Variants in VPS13C observed in about 807,000 individuals in gnomAD.
VPS13C encodes the protein vacuolar protein sorting 13 homolog C.
In VPS13C, 358 loss-of-function variants were observed where a neutral mutation model predicts 456.8. The observed-to-expected ratio is 0.78, with a 90% CI of 0.72 to 0.86. The LOEUF is 0.86. Among genes scored for constraint, VPS13C ranks in the 40% least tolerant of loss-of-function variants. VPS13C has a pLI of 0.00. For synonymous variants in VPS13C, 1,578 were observed against 1,486.7 expected, an observed-to-expected ratio of 1.06 and a Z score of -1.41; for missense variants, 4,818 against 4,385.4, an observed-to-expected ratio of 1.10 and a Z score of -2.79.
chr15:61,973,043 T>A (rs2045601388), intron 26 of VPS13C, among the ~76,000 whole-genome samples: 1 of 152,174 alleles, frequency 6.6e-6, no homozygotes, highest in African/African-American at 2.4e-5. Flanking sequence ...TATTGGGCAT[T>A]ATCTACCACG....
chr15:61,995,984 C>T (rs112300589), intron 16 of VPS13C, among the ~76,000 whole-genome samples: 4,609 of 152,244 alleles, frequency 0.03, 136 homozygotes, highest in South Asian at 0.072. Context: ...GTTGCACAGG[C>T]AGCTAAAACC....
intron 1 of VPS13C, among the ~76,000 whole-genome samples, chr15:62,046,970 T>C (rs1332970198): frequency 2.0e-5 from 3 of 152,154 alleles, no homozygotes; most frequent in Non-Finnish European, 2.9e-5. Context: ...CTAGTTTTTA[T>C]AATAATTAGA....
intron 6 of VPS13C, among the ~76,000 whole-genome samples, 163 bp from the exon 7 acceptor site, chr15:62,024,008 C>A (rs2047550900): frequency 6.6e-6 from 1 of 152,016 alleles, no homozygotes; most frequent in Non-Finnish European, 1.5e-5. Flanking sequence ...GACAAATTTA[C>A]AAACCTTCTT....
chr15:62,012,240 A>ACACACT (rs1380760052), intron 11 of VPS13C, 76 bp from the exon 12 acceptor site: 5 of 697,516 alleles, frequency 7.2e-6, no homozygotes, highest in Non-Finnish European at 1.2e-5. Context: ...ACACACACAC[A>ACACACT]CACACACACA....
intron 81 of VPS13C, 93 bp from the exon 82 acceptor site, chr15:61,863,621 G>A: frequency 5.5e-6 from 4 of 729,880 alleles, no homozygotes; most frequent in East Asian, 3.0e-5. Context: ...AATAGTGTTA[G>A]GAAAAAATTA....
At chr15:62,009,401 T>G (rs1040782557) in intron 13 of VPS13C, among the ~76,000 whole-genome samples, 2 of 152,000 alleles carry the variant, frequency 1.3e-5, no homozygotes, top group African/African-American at 4.8e-5. Context: ...TCCTCCTCTC[T>G]AATTTTTCAC....
chr15:62,008,355 A>G (rs1248688507), intron 14 of VPS13C, among the ~76,000 whole-genome samples: 1 of 152,072 alleles, frequency 6.6e-6, no homozygotes, highest in Non-Finnish European at 1.5e-5. Flanking sequence ...AGCCAAGATC[A>G]CATCACTGCA....
intron 1 of VPS13C, among the ~76,000 whole-genome samples, chr15:62,047,123 A>G (rs1305570836): frequency 6.6e-6 from 1 of 151,892 alleles, no homozygotes; most frequent in Non-Finnish European, 1.5e-5. Context: ...CCAGACACGT[A>G]AGAATAACAA....
chr15:61,857,114 G>A (rs1387599116), intron 82 of VPS13C, among the ~76,000 whole-genome samples: 1 of 152,046 alleles, frequency 6.6e-6, no homozygotes, highest in Non-Finnish European at 1.5e-5. Flanking sequence ...TTCTATTACA[G>A]AAAGCAAAAT....
chr15:62,043,471 T>C (rs2048305457), intron 2 of VPS13C, among the ~76,000 whole-genome samples: 1 of 152,158 alleles, frequency 6.6e-6, no homozygotes, highest in Non-Finnish European at 1.5e-5. Flanking sequence ...CCAGGCGTGG[T>C]GGCACACACC....
intron 39 of VPS13C, 130 bp from the exon 40 acceptor site, chr15:61,951,154 T>C (rs2140290218): frequency 1.8e-6 from 1 of 562,566 alleles, no homozygotes; most frequent in South Asian, 3.3e-5. Flanking sequence ...GAGTGAAGTA[T>C]GTTCTGTATA....
At chr15:61,976,971 C>A (rs2140367771) in intron 24 of VPS13C, 111 bp downstream of exon 24, 2 of 694,490 alleles carry the variant, frequency 2.9e-6, no homozygotes, top group Admixed American at 5.6e-5. Flanking sequence ...TTGGAATAAT[C>A]ATTTTTGCTG....
At chr15:61,875,431 G>T (rs1373536285) in intron 76 of VPS13C, among the ~76,000 whole-genome samples, 1 of 151,932 alleles carries the variant, frequency 6.6e-6, no homozygotes, top group Non-Finnish European at 1.5e-5. Flanking sequence ...TGCTTTCAGT[G>T]CCCTATTAGT....
Position 62,034,980 on chromosome 15 carries a change from T to G in VPS13C, c.260A>C (p.Tyr87Ser). 6.2e-7 allele frequency: 1 copy of G among 1,601,298 alleles called. No homozygotes were observed. The highest frequency in any genetic ancestry group is 8.5e-7 in the Non-Finnish European group (1 of 1,172,800). ...EAVVATLEGL[Y>S]LLVVPGASIK... The stretch of plus-strand genomic sequence containing the variant: ...ACTTGCTCCAGGGACAACAAGCAGG[T>G]ATAATCCTTCCAGGGTCGCAACAAC... Residue 87 changes from tyrosine (Y) to serine (S), a missense_variant, in exon 4 of 85, where the codon TAC becomes TCC. Physicochemically the swap from Tyr to Ser is moderately radical, Grantham distance 144. Around this residue, in one of 3 missense-constraint regions of VPS13C, gnomAD observed 4,552 missense variants for 4,130.6 expected, o/e 1.10. Transcript: ENST00000644861.
At chr15:61,938,267 G>GT in intron 47 of VPS13C, among the ~76,000 whole-genome samples, 1 of 33,406 alleles carries the variant, frequency 3.0e-5, no homozygotes, top group East Asian at 8.6e-4. Flanking sequence ...ACTTTGCTGT[G>GT]GGGTGGGGGG....
chr15:62,015,967 A>C (rs1264550205), intron 9 of VPS13C, among the ~76,000 whole-genome samples: 1 of 144,410 alleles, frequency 6.9e-6, no homozygotes, highest in Non-Finnish European at 1.5e-5. Context: ...GTCCAAAAAA[A>C]AAAAAAAAAA....
At chr15:62,048,465 G>A (rs1445154252) in intron 1 of VPS13C, among the ~76,000 whole-genome samples, 5 of 152,034 alleles carry the variant, frequency 3.3e-5, no homozygotes, top group Admixed American at 2.6e-4. Flanking sequence ...AGTATTCCAT[G>A]GTGTATATGT....
chr15:61,966,169 G>A (rs1011724110), intron 29 of VPS13C, 27 bp from the exon 30 acceptor site: 2 of 1,545,848 alleles, frequency 1.3e-6, no homozygotes, highest in Non-Finnish European at 8.9e-7. Context: ...AAGTTCTAAA[G>A]AAGGTACTAG....
intron 12 of VPS13C, among the ~76,000 whole-genome samples, chr15:62,011,297 T>C (rs575454727): frequency 3.9e-5 from 6 of 152,214 alleles, no homozygotes; most frequent in Admixed American, 1.3e-4. Flanking sequence ...AAGCTAGTTA[T>C]AAATGGAAAA....
Sources: gnomAD v4.1 joint callset for allele counts (sites outside exome capture counted in the v4.1 genomes callset) on GRCh38, gnomAD v4.1.1 for gene constraint, gnomAD v4.1.1 regional missense constraint, MANE v1.5 for transcripts, NCBI Gene and HGNC (gene_info 2026-07-23, HGNC 2026-07-21) for gene names.